SLC26A3: variants seen among roughly 807,000 people sequenced by gnomAD.
SLC26A3 encodes solute carrier family 26 member 3, also known as chloride anion exchanger.
SLC26A3 carries 64 observed loss-of-function variants against 85.6 expected under a neutral mutation model. The observed-to-expected ratio is 0.75, with a 90% CI of 0.61 to 0.92. The LOEUF is 0.92. SLC26A3 is among the 40% of genes least tolerant of loss of function. The pLI is 0.00. For missense variants in SLC26A3, 922 were observed against 927.3 expected (o/e 0.99, Z 0.07); for synonymous variants, 349 against 336.0 (o/e 1.04, Z -0.42).
At chr7:107,776,377 G>T in intron 15 of SLC26A3, 75 bp downstream of exon 15, 2 of 1,215,724 alleles carry the variant, frequency 1.6e-6, no homozygotes, top group South Asian at 1.2e-5. Context: ...TCTCAACAAT[G>T]ACCTTACAGA....
In SLC26A3 at chr7:107,772,128, A is replaced by G. The variant is rs1040508467; in HGVS notation, c.2008-20T>C. On this transcript the variant is annotated intron_variant, in intron 17 of 20. Coordinates refer to ENST00000340010, the MANE Select transcript of SLC26A3 (RefSeq NM_000111.3). The stretch of plus-strand genomic sequence containing the variant: ...CAAAATCTGTTAAAAAGAAAAGTAT[A>G]TCTTCCTTAGGGAACAGTTTCACTT... The G allele has an allele frequency of 2.7e-6, 4 of 1,460,280 alleles. No individual in the cohort carries two copies. The highest frequency in any genetic ancestry group is 2.3e-5 in the South Asian group (2 of 87,602). The allele number at this position is 1,460,280 out of a possible 1,614,324, so 90.5% of individuals were successfully genotyped here. A position where few individuals can be genotyped will look rare whatever the true frequency, so the allele number is the denominator to read the frequency against.
intron 18 of SLC26A3, among the ~76,000 whole-genome samples, chr7:107,769,161 C>T (rs1363433314): frequency 6.6e-6 from 1 of 152,156 alleles, no homozygotes; most frequent in South Asian, 2.1e-4. Context: ...TGTATAAGCA[C>T]AGTGTGGCGA....
In SLC26A3 at chr7:107,767,577, A is replaced by G. The variant is rs1279909977; in HGVS notation, c.2271+2T>C. 1 of 1,602,148 alleles carries G rather than the reference A, an allele frequency of 6.2e-7. No individual in the cohort carries two copies. Among genetic ancestry groups the G allele is most frequent in the East Asian group, 2.2e-5 (1 of 44,836 alleles). On this transcript the variant is annotated splice_donor_variant, in intron 20 of 20. Transcript: ENST00000340010. LOFTEE classifies it high-confidence loss of function. Reference sequence around the variant, plus strand: ...GAAGATAAACCTGTTGAAGAATCTTACCTCATATACCCGATTACGTAATCC... The same window carrying G: ...GAAGATAAACCTGTTGAAGAATCTTGCCTCATATACCCGATTACGTAATCC...
At chr7:107,795,254 A>G (rs533640794) in intron 1 of SLC26A3, among the ~76,000 whole-genome samples, 3 of 152,314 alleles carry the variant, frequency 2.0e-5, no homozygotes, top group Admixed American at 6.5e-5. Flanking sequence ...GGGGATAAAG[A>G]TATTCAAGTT....
Position 107,791,182 on chromosome 7 carries a change from A to G in SLC26A3, c.436T>C (p.Ser146Pro), listed in dbSNP as rs1794394867. ...MVGLAVSGAV[S>P]KAVPDRNATT... is the part of the protein sequence containing the mutation. ...GCATTGCGATCTGGGACTGCTTTTG[A>G]AACTGCTCCTGAAACTGCTAGTCCC... Residue 146 changes from serine (S) to proline (P), a missense_variant, in exon 5 of 21, where the codon TCA becomes CCA. Ser to Pro is a moderately conservative substitution (Grantham distance 74). Coordinates refer to ENST00000340010, the MANE Select transcript of SLC26A3 (RefSeq NM_000111.3). 1 of 1,614,060 alleles carries G rather than the reference A, an allele frequency of 6.2e-7. No individual in the cohort carries two copies. Among genetic ancestry groups the G allele is most frequent in the Admixed American group, 1.7e-5 (1 of 60,006 alleles).
chr7:107,774,450 A>C (rs903339603), intron 16 of SLC26A3, among the ~76,000 whole-genome samples: 2 of 152,110 alleles, frequency 1.3e-5, no homozygotes, highest in African/African-American at 4.8e-5. Flanking sequence ...GCTACTTGGG[A>C]GGCTGAGGTG....
At position 107,776,533 on chromosome 7, in the gene SLC26A3, T is replaced by G. The variant is rs755250104; in HGVS notation, c.1596A>C (p.Pro532=). The change falls in exon 15 of 21, where the codon CCA becomes CCC. Residue 532 remains proline, a synonymous_variant. Transcript: ENST00000340010. ...NKKDYYDMYE[P]EGVKIFRCPS... Reference sequence around the variant, plus strand: ...GACATCTGAAAATTTTCACTCCTTCTGGCTCATACATCTGTAAGGCAGAGA... The same window carrying G: ...GACATCTGAAAATTTTCACTCCTTCGGGCTCATACATCTGTAAGGCAGAGA... 3 of 1,614,020 alleles carry G rather than the reference T, an allele frequency of 1.9e-6. No homozygotes were observed. The highest frequency in any genetic ancestry group is 1.7e-4 in the Middle Eastern group (1 of 6,060).
chr7:107,765,949 G>T, intron 20 of SLC26A3, 71 bp from the exon 21 acceptor site: 3 of 1,337,730 alleles, frequency 2.2e-6, no homozygotes, highest in Non-Finnish European at 2.1e-6. Flanking sequence ...CATCTTAGGA[G>T]CTAGAATTTA....
intron 1 of SLC26A3, 54 bp from the exon 2 acceptor site, chr7:107,794,651 T>C: frequency 1.1e-6 from 1 of 877,100 alleles, no homozygotes; most frequent in Non-Finnish European, 1.9e-6. Context: ...TGTGATGCAA[T>C]TTACAGATGA....
At chr7:107,787,893 T>G (rs1794325092) in intron 6 of SLC26A3, among the ~76,000 whole-genome samples, 1 of 152,240 alleles carries the variant, frequency 6.6e-6, no homozygotes, top group Non-Finnish European at 1.5e-5. Context: ...GGGAATAACT[T>G]CTGATCTTTG....
intron 19 of SLC26A3, 33 bp downstream of exon 19, chr7:107,767,732 TA>T (rs762626792): frequency 2.5e-6 from 4 of 1,613,376 alleles, no homozygotes; most frequent in East Asian, 2.2e-5. Flanking sequence ...GATGGCTGCT[TA>T]TGCAATTGTG....
In SLC26A3 at chr7:107,783,330, C is replaced by T; in HGVS notation, c.994G>A (p.Asp332Asn). 6.2e-7 allele frequency: 1 copy of T among 1,614,116 alleles called. No individual in the cohort carries two copies. Among genetic ancestry groups the T allele is most frequent in the Non-Finnish European group, 8.5e-7 (1 of 1,180,012 alleles). ...NPGFQPPITP[D>N]VETFQNTVGD... ...ACGGTGTTTTGGAAAGTCTCCACGTCAGGTGTAATAGGGGGCTGAAATCTA... is the reference window on the plus strand; with the variant it reads ...ACGGTGTTTTGGAAAGTCTCCACGTTAGGTGTAATAGGGGGCTGAAATCTA... Residue 332 changes from aspartate (D) to asparagine (N), a missense_variant, in exon 9 of 21, where the codon GAC (aspartate) becomes AAC (asparagine). Transcript: ENST00000340010.
chr7:107,783,664 A>C (rs1056596623), intron 8 of SLC26A3, among the ~76,000 whole-genome samples: 1 of 152,236 alleles, frequency 6.6e-6, no homozygotes, highest in Admixed American at 6.5e-5. Flanking sequence ...AATGTCTTCT[A>C]TTCCACTTGT....
chr7:107,767,706 A>G, intron 19 of SLC26A3, 60 bp downstream of exon 19: 1 of 1,609,392 alleles, frequency 6.2e-7, no homozygotes, highest in Non-Finnish European at 8.5e-7. Context: ...TGAAAAAGAG[A>G]AATTTAAGGA....
At chr7:107,786,735 G>A in intron 8 of SLC26A3, 92 bp downstream of exon 8, 1 of 1,057,942 alleles carries the variant, frequency 9.5e-7, no homozygotes, top group Non-Finnish European at 1.5e-6. Context: ...GTTACCTGCA[G>A]GCTGAACTGC....
rs10232147 is a variant in SLC26A3, at chr7:107,792,024, T to C, written c.272-84A>G. The C allele has an allele frequency of 5.4e-3, 4,459 of 825,314 alleles. 132 individuals are homozygous for C. In the African/African-American group the frequency reaches 0.066, roughly 12 times the overall value. The allele number at this position is 825,314 out of a possible 1,614,324, so 51.1% of individuals were successfully genotyped here. A position where few individuals can be genotyped will look rare whatever the true frequency, so the allele number is the denominator to read the frequency against. On this transcript the variant is annotated intron_variant, in intron 3 of 20. Transcript: ENST00000340010. ...CATTTGGTTCTTATGGTATTTAGAA[T>C]TGGATCCTAAAAATAAGTTACCTCA...
In SLC26A3 at chr7:107,765,737, G is replaced by C. The variant is rs1793901852; in HGVS notation, c.*118C>G. The stretch of plus-strand genomic sequence containing the variant: ...CTAGAACCATCTTGTTCCAAAGTTT[G>C]AAACATATTCTGTCAAAAATACTCT... On this transcript the variant is annotated 3_prime_UTR_variant, in exon 21 of 21. Transcript: ENST00000340010. The C allele has an allele frequency of 2.4e-5, 19 of 784,762 alleles. No homozygotes were observed. The South Asian group carries it at 2.7e-4, about 11-fold the overall frequency. 48.6% of individuals were successfully genotyped at this position (784,762 alleles called of 1,614,324 possible).
intron 9 of SLC26A3, 39 bp from the exon 10 acceptor site, chr7:107,783,132 C>A: frequency 1.2e-6 from 2 of 1,613,002 alleles, no homozygotes; most frequent in South Asian, 1.1e-5. Flanking sequence ...TCAGAAGTGG[C>A]ACCATTGATA....
In SLC26A3 at chr7:107,776,523, T is replaced by G; in HGVS notation, c.1606A>C (p.Lys536Gln). The change falls in exon 15 of 21, where the codon AAA becomes CAA. Residue 536 changes from lysine to glutamine, a missense_variant. Lys to Gln is a moderately conservative substitution (Grantham distance 53, BLOSUM62 1). Coordinates refer to ENST00000340010, the MANE Select transcript of SLC26A3 (RefSeq NM_000111.3). Reference protein sequence around the residue: ...YYDMYEPEGVKIFRCPSPIYF... With the variant: ...YYDMYEPEGVQIFRCPSPIYF... ...ATAGGAGATGGACATCTGAAAATTT[T>G]CACTCCTTCTGGCTCATACATCTGT... 6.2e-7 allele frequency: 1 copy of G among 1,614,140 alleles called. No individual in the cohort carries two copies. Among genetic ancestry groups the G allele is most frequent in the Non-Finnish European group, 8.5e-7 (1 of 1,179,958 alleles).
Sources: allele counts gnomAD v4.1 joint callset (sites outside exome capture counted in the v4.1 genomes callset), GRCh38; gene constraint gnomAD v4.1.1; transcripts MANE v1.5; gene names NCBI Gene and HGNC (gene_info 2026-07-23, HGNC 2026-07-21).